The following TRAPPC9 variants were observed in gnomAD, a reference collection of about 807,000 sequenced individuals.
TRAPPC9 encodes trafficking protein particle complex subunit 9.
TRAPPC9 carries 83 observed loss-of-function variants against 124.0 expected under a neutral mutation model. The ratio of observed to expected loss-of-function variants is 0.67; its 90% confidence interval spans 0.56 to 0.80. The LOEUF (loss-of-function observed/expected upper bound fraction) is 0.80, where lower values mean the gene tolerates loss of function less well. Ranked by LOEUF, TRAPPC9 falls within the 30% of genes least tolerant of loss-of-function variation. The probability of loss-of-function intolerance (pLI) is 0.00; values close to 1 mark genes in which losing one functional copy is unlikely to be tolerated. For missense variants in TRAPPC9, 1,302 were observed against 1,508.3 expected, an observed-to-expected ratio of 0.86 and a Z score of 2.27; for synonymous variants, 638 against 617.5, an observed-to-expected ratio of 1.03 and a Z score of -0.49.
chr8:140,451,096 G>A lies in TRAPPC9; in HGVS notation c.278C>T (p.Pro93Leu). 1 of 1,614,066 alleles carries A rather than the reference G, an allele frequency of 6.2e-7. No homozygotes were observed. The highest frequency in any genetic ancestry group is 2.2e-5 in the East Asian group (1 of 44,874). ...CACGTGGAACTTCTCAAAGGTCTGT[G>A]GCCAGTCCTTGGCCGAGAAGCAGTC... is the stretch of plus-strand genomic sequence containing the variant. ...ITDCFSAKDW[P>L]QTFEKFHVQK... Residue 93 changes from proline (P) to leucine (L), a missense_variant, in exon 2 of 23, where the codon CCA (proline) becomes CTA (leucine). Physicochemically the swap from Pro to Leu is moderately conservative, Grantham distance 98. This residue lies in a region of TRAPPC9 where 657 missense variants were observed against 811.2 expected (regional missense o/e 0.81). Coordinates refer to ENST00000438773, the MANE Select transcript of TRAPPC9 (RefSeq NM_001160372.4).
intron 21 of TRAPPC9, among the ~76,000 whole-genome samples, chr8:139,867,598 A>G (rs944053418): frequency 3.3e-5 from 5 of 152,212 alleles, no homozygotes; most frequent in Middle Eastern, 3.2e-3. Flanking sequence ...CAATGGTACA[A>G]CTAGAGATTG....
Position 140,087,102 on chromosome 8 carries a change from T to C in TRAPPC9, c.2557-63023A>G, listed in dbSNP as rs760484266. Reference sequence around the variant, plus strand: ...ACTCCTCTGAAATGACTCTTTCCAATCTCAAAGCCAGTGGTCAACATCCTG... The same window carrying C: ...ACTCCTCTGAAATGACTCTTTCCAACCTCAAAGCCAGTGGTCAACATCCTG... On this transcript the variant is annotated intron_variant, in intron 17 of 22. Coordinates refer to ENST00000438773, the MANE Select transcript of TRAPPC9 (RefSeq NM_001160372.4). The surrounding 1 kb of genome is among the most constrained non-coding windows in gnomAD (Gnocchi z 4.6). 9.9e-5 allele frequency among the ~76,000 whole-genome samples: 15 copies of C among 152,130 alleles called. No individual in the cohort carries two copies. Among genetic ancestry groups the C allele is most frequent in the Non-Finnish European group, 1.8e-4 (12 of 68,010 alleles).
chr8:140,430,096 G>A (rs1471943908), intron 4 of TRAPPC9, among the ~76,000 whole-genome samples: 4 of 146,616 alleles, frequency 2.7e-5, no homozygotes, highest in East Asian at 2.1e-4. Flanking sequence ...GCAGTGAGCC[G>A]AGATCACGAC....
At chr8:140,349,371 G>GGCACGCAA (rs2067467178) in intron 9 of TRAPPC9, among the ~76,000 whole-genome samples, 13 of 102,910 alleles carry the variant, frequency 1.3e-4, no homozygotes, top group South Asian at 2.9e-4. Context: ...GGGCGCGCGA[G>GGCACGCAA]GGAAGGGCAC....
intron 21 of TRAPPC9, among the ~76,000 whole-genome samples, chr8:139,858,123 CTAAAAACATTA>C (rs1827912813): frequency 6.6e-6 from 1 of 152,192 alleles, no homozygotes; most frequent in African/African-American, 2.4e-5. Flanking sequence ...AAAATGAAAT[CTAAAAACATTA>C]TGAAAACAAG....
intron 18 of TRAPPC9, among the ~76,000 whole-genome samples, chr8:139,996,866 A>C (rs1017067849): frequency 1.3e-5 from 2 of 152,070 alleles, no homozygotes; most frequent in African/African-American, 4.8e-5. Flanking sequence ...CAGCCTCCCA[A>C]GTAGCTGGCA....
chr8:140,246,827 A>T (rs568648959), intron 16 of TRAPPC9, among the ~76,000 whole-genome samples: 1 of 152,176 alleles, frequency 6.6e-6, no homozygotes, highest in Non-Finnish European at 1.5e-5. Context: ...TCTCCTAAAA[A>T]TACAAAAATT....
At chr8:140,228,037 C>G (rs956216264) in intron 16 of TRAPPC9, among the ~76,000 whole-genome samples, 2 of 152,238 alleles carry the variant, frequency 1.3e-5, no homozygotes, top group Non-Finnish European at 2.9e-5. Flanking sequence ...AACTGTACAC[C>G]ATGCGTTCCA....
chr8:139,912,439 T>G (rs1056519849), intron 19 of TRAPPC9, among the ~76,000 whole-genome samples: 3 of 152,210 alleles, frequency 2.0e-5, no homozygotes, highest in Non-Finnish European at 4.4e-5. Context: ...AAATGACTAT[T>G]GTAGAAAAAG....
At chr8:139,829,402 T>A (rs1039563915) in intron 21 of TRAPPC9, among the ~76,000 whole-genome samples, 1 of 152,284 alleles carries the variant, frequency 6.6e-6, no homozygotes, top group Non-Finnish European at 1.5e-5. Flanking sequence ...CTGTCTTAGC[T>A]GCAGCCTTGT....
chr8:140,395,428 G>T (rs754689615), intron 7 of TRAPPC9, among the ~76,000 whole-genome samples: 2 of 152,092 alleles, frequency 1.3e-5, no homozygotes, highest in African/African-American at 4.8e-5. Flanking sequence ...TAAACATCTC[G>T]TCAAGGGAAG....
intron 19 of TRAPPC9, among the ~76,000 whole-genome samples, chr8:139,941,418 C>A (rs1038793129): frequency 3.3e-5 from 5 of 152,314 alleles, no homozygotes; most frequent in African/African-American, 1.2e-4. Context: ...GGCCCTCTTA[C>A]TGTAGGAAGA....
At chr8:139,959,123 A>AGCCCTGCATTCCGAGTCACC in intron 19 of TRAPPC9, among the ~76,000 whole-genome samples, 1 of 152,118 alleles carries the variant, frequency 6.6e-6, no homozygotes, top group East Asian at 1.9e-4. Context: ...CACACAGGGG[A>AGCCCTGCATTCCGAGTCACC]CTGGCTCCCA....
At chr8:139,912,775 C>T (rs1831836369) in intron 19 of TRAPPC9, among the ~76,000 whole-genome samples, 1 of 152,224 alleles carries the variant, frequency 6.6e-6, no homozygotes, top group South Asian at 2.1e-4. Context: ...GCTTACTAAC[C>T]ATGTCTCTTT....
intron 17 of TRAPPC9, among the ~76,000 whole-genome samples, chr8:140,150,813 C>G (rs2061532532): frequency 8.8e-6 from 1 of 114,174 alleles, no homozygotes; most frequent in African/African-American, 3.5e-5. Context: ...AGCCTCCAGG[C>G]TCGGCCACCC....
At chr8:140,197,605 G>C (rs1331966690) in intron 17 of TRAPPC9, among the ~76,000 whole-genome samples, 3 of 152,152 alleles carry the variant, frequency 2.0e-5, no homozygotes, top group Admixed American at 6.5e-5. Context: ...ACAGTGATGT[G>C]GGTTTTAATT....
At chr8:140,365,955 T>C (rs2068096013) in intron 8 of TRAPPC9, among the ~76,000 whole-genome samples, 1 of 152,192 alleles carries the variant, frequency 6.6e-6, no homozygotes, top group Admixed American at 6.5e-5. Flanking sequence ...CCAGTGTATG[T>C]TATTCCCCTC....
chr8:140,156,032 G>A (rs147658265), intron 17 of TRAPPC9, among the ~76,000 whole-genome samples: 1,770 of 152,182 alleles, frequency 0.012, 26 homozygotes, highest in African/African-American at 0.04. Context: ...AGTCATGTTA[G>A]CTGTATAATT....
intron 17 of TRAPPC9, among the ~76,000 whole-genome samples, chr8:140,193,623 A>G (rs1056213968): frequency 8.6e-4 from 16 of 18,644 alleles, no homozygotes; most frequent in African/African-American, 2.1e-3. Flanking sequence ...GTACTTTCAG[A>G]AAAAAAAAAA....
Sources: gnomAD v4.1 joint callset for allele counts (sites outside exome capture counted in the v4.1 genomes callset) on GRCh38, gnomAD v4.1.1 for gene constraint, gnomAD v4.1.1 regional missense constraint, Gnocchi (gnomAD v3.1) non-coding constraint, MANE v1.5 for transcripts, NCBI Gene and HGNC (gene_info 2026-07-23, HGNC 2026-07-21) for gene names.